SGSM3: variants seen among roughly 807,000 people sequenced by gnomAD.
SGSM3 encodes the protein small G protein signaling modulator 3.
A neutral mutation model predicts 100.5 loss-of-function variants in SGSM3; 96 were observed. The observed-to-expected ratio is 0.96, with a 90% CI of 0.81 to 1.13. The LOEUF is 1.13. Ranked by LOEUF, SGSM3 falls within the 50% of genes most tolerant of loss-of-function variation. The pLI, the probability that SGSM3 is intolerant of heterozygous loss-of-function variation, is 0.00. For missense variants in SGSM3, 1,001 were observed against 1,015.8 expected, an observed-to-expected ratio of 0.99 and a Z score of 0.20; for synonymous variants, 483 against 422.8, an observed-to-expected ratio of 1.14 and a Z score of -1.75.
chr22:40,390,357 T>C (rs898114281), intron 1 of SGSM3: 3 of 152,234 alleles, frequency 2.0e-5, no homozygotes, highest in African/African-American at 7.2e-5. Context: ...AACAAGTATT[T>C]TCACATTCTT....
At chr22:40,403,358 A>C (rs2051005467) in intron 4 of SGSM3, among the ~76,000 whole-genome samples, 1 of 152,156 alleles carries the variant, frequency 6.6e-6, no homozygotes, top group Admixed American at 6.5e-5. Context: ...CATTCAACAG[A>C]TATCTCATGG....
At chr22:40,372,046 C>A (rs2045612111) in intron 1 of SGSM3, among the ~76,000 whole-genome samples, 1 of 151,198 alleles carries the variant, frequency 6.6e-6, no homozygotes, top group South Asian at 2.1e-4. Flanking sequence ...TTTTGATAAT[C>A]CTAAGTGAAT....
At chr22:40,391,244 G>T (rs147041567) in intron 1 of SGSM3, among the ~76,000 whole-genome samples, 122 of 152,278 alleles carry the variant, frequency 8.0e-4, no homozygotes, top group Non-Finnish European at 1.3e-3. Context: ...TCAGAAATTC[G>T]GGGGCTGGGC....
chr22:40,402,547 C>G (rs1253283687), intron 4 of SGSM3, among the ~76,000 whole-genome samples: 2 of 152,134 alleles, frequency 1.3e-5, no homozygotes, highest in Non-Finnish European at 2.9e-5. Flanking sequence ...CAAGACCAAC[C>G]TAGCTAACAT....
chr22:40,409,969 C>CA lies in SGSM3; in HGVS notation c.*213dup. 7.3e-7 allele frequency: 1 copy of CA among 1,365,976 alleles called. No individual in the cohort carries two copies. The highest frequency in any genetic ancestry group is 9.4e-7 in the Non-Finnish European group (1 of 1,066,462). The allele number at this position is 1,365,976 out of a possible 1,614,324, so 84.6% of individuals were successfully genotyped here. A position where few individuals can be genotyped will look rare whatever the true frequency, so the allele number is the denominator to read the frequency against. Reference sequence around the variant, plus strand: ...CAGGGTCCTTAGGGATGCTCTAGGCCAAACCACAGTTTGTACCAAAAACCT... The same window carrying CA: ...CAGGGTCCTTAGGGATGCTCTAGGCCAAAACCACAGTTTGTACCAAAAACCT... On this transcript the variant is annotated 3_prime_UTR_variant, in exon 22 of 22. Transcript: ENST00000248929.
chr22:40,406,907 C>A, intron 10 of SGSM3, 110 bp from the exon 11 acceptor site: 2 of 1,164,644 alleles, frequency 1.7e-6, no homozygotes, highest in Non-Finnish European at 2.5e-6. Context: ...GTTTTCAATT[C>A]TTGGAGCCAG....
rs2050383486 is a variant in SGSM3, at chr22:40,398,928, T to TA, written c.-111-1768_-111-1767insA. On this transcript the variant is annotated intron_variant, in intron 1 of 21. Transcript: ENST00000248929. ...TAAACTTGCCCACGGTTATAACAAG[T>TA]GGGCACAGGCCCACTCTGCTACACG... Among the ~76,000 whole-genome samples, 2 of 139,484 alleles carry TA rather than the reference T, an allele frequency of 1.4e-5. 1 individual carries two copies. Among genetic ancestry groups the TA allele is most frequent in the Non-Finnish European group, 3.1e-5 (2 of 64,694 alleles). The allele number at this position is 139,484 out of a possible 152,430, so 91.5% of individuals were successfully genotyped here. A position where few individuals can be genotyped will look rare whatever the true frequency, so the allele number is the denominator to read the frequency against.
intron 21 of SGSM3, 44 bp from the exon 22 acceptor site, chr22:40,409,638 G>C (rs769158364): frequency 6.2e-7 from 1 of 1,613,432 alleles, no homozygotes; most frequent in Admixed American, 1.7e-5. Flanking sequence ...AACTACCCCA[G>C]CCATGCCCAA....
At chr22:40,373,504 A>G (rs1421625986) in intron 1 of SGSM3, 2 of 152,368 alleles carry the variant, frequency 1.3e-5, no homozygotes, top group East Asian at 3.9e-4. Context: ...CTAGACTTAT[A>G]AAGACGGCTA....
chr22:40,406,327 G>C, intron 9 of SGSM3, 104 bp downstream of exon 9: 1 of 1,536,392 alleles, frequency 6.5e-7, no homozygotes, highest in Non-Finnish European at 8.8e-7. Context: ...CCTGGCCCCT[G>C]ACAACTGTGC....
In SGSM3 at chr22:40,400,706, T is replaced by A. The variant is rs1287526553; in HGVS notation, c.-101T>A. 3.7e-5 allele frequency: 43 copies of A among 1,162,378 alleles called. No homozygotes were observed. The highest frequency in any genetic ancestry group is 2.3e-4 in the Admixed American group (11 of 48,180). 72.0% of individuals were successfully genotyped at this position (1,162,378 alleles called of 1,614,324 possible). A position where few individuals can be genotyped will look rare whatever the true frequency, so the allele number is the denominator to read the frequency against. On this transcript the variant is annotated 5_prime_UTR_variant, in exon 2 of 22. Transcript: ENST00000248929. ...TTTCTCTTCTAACAGGGCAGATGAT[T>A]CTGGACCAGATGAAGCCTGAGGAGC...
intron 3 of SGSM3, 71 bp from the exon 4 acceptor site, chr22:40,402,068 G>C: frequency 8.5e-7 from 1 of 1,176,058 alleles, no homozygotes; most frequent in Non-Finnish European, 1.3e-6. Context: ...AACCCTGTGG[G>C]TGGCATCTTT....
intron 1 of SGSM3, among the ~76,000 whole-genome samples, chr22:40,391,020 T>C (rs1407656286): frequency 1.3e-5 from 2 of 152,082 alleles, no homozygotes; most frequent in Non-Finnish European, 2.9e-5. Context: ...AACAGCAGCA[T>C]GTACAATGAT....
In SGSM3 at chr22:40,407,182, G is replaced by T. The variant is rs2018393; in HGVS notation, c.1241-19G>T. Reference sequence around the variant, plus strand: ...GCCTGGAGTGGGCTGTGGTCACCATGGTTCTCTGGGCCTCCTAGGGGAGGA... The same window carrying T: ...GCCTGGAGTGGGCTGTGGTCACCATTGTTCTCTGGGCCTCCTAGGGGAGGA... On this transcript the variant is annotated intron_variant, in intron 11 of 21. Coordinates refer to ENST00000248929, the MANE Select transcript of SGSM3 (RefSeq NM_015705.6). The surrounding 1 kb of genome is among the most constrained non-coding windows in gnomAD (Gnocchi z 4.7). The T allele has an allele frequency of 0.53, 853,298 of 1,612,818 alleles. 234,595 individuals carry two copies. The highest frequency in any genetic ancestry group is 0.91 in the African/African-American group (68,097 of 74,964).
chr22:40,375,173 G>A (rs918940147), intron 1 of SGSM3, among the ~76,000 whole-genome samples: 1 of 152,138 alleles, frequency 6.6e-6, no homozygotes, highest in Non-Finnish European at 1.5e-5. Context: ...TTCTAAGTGT[G>A]ATACATGTTT....
At position 40,402,147 on chromosome 22, in the gene SGSM3, G is replaced by A. The variant is rs757744843; in HGVS notation, c.99G>A (p.Glu33=). 8.4e-5 allele frequency: 136 copies of A among 1,613,570 alleles called. No homozygotes were observed. The East Asian group carries it at 2.9e-3, about 35-fold the overall frequency. Residue 33 remains glutamate, a synonymous_variant, in exon 4 of 22, where the codon GAG becomes GAA. Coordinates refer to ENST00000248929, the MANE Select transcript of SGSM3 (RefSeq NM_015705.6). ...CCTCATCCTGATTCTAGAAGGAAGA[G>A]TCAGCAGAGCAACCAGAGTTCTACT... ...EILAKYTQKE[E]SAEQPEFYYD...
chr22:40,406,337 C>T (rs530888982), intron 9 of SGSM3, 101 bp from the exon 10 acceptor site: 3 of 1,512,650 alleles, frequency 2.0e-6, no homozygotes, highest in Admixed American at 3.9e-5. Flanking sequence ...GACAACTGTG[C>T]CAAGGCAAAC....
At chr22:40,382,502 C>T (rs1017747121) in intron 1 of SGSM3, among the ~76,000 whole-genome samples, 1 of 152,130 alleles carries the variant, frequency 6.6e-6, no homozygotes, top group Non-Finnish European at 1.5e-5. Context: ...CTCCATGTTA[C>T]CTTACCTACC....
chr22:40,408,087 G>A lies in SGSM3; in HGVS notation c.1596G>A (p.Lys532=). 1 of 1,610,114 alleles carries A rather than the reference G, an allele frequency of 6.2e-7. No homozygotes were observed. The highest frequency in any genetic ancestry group is 2.2e-5 in the East Asian group (1 of 44,730). Residue 532 remains lysine, a synonymous_variant, in exon 15 of 22, where the codon AAG becomes AAA. Coordinates refer to ENST00000248929, the MANE Select transcript of SGSM3 (RefSeq NM_015705.6). ...LNGLRGWFPA[K]FVEVLDERSK... ...TTCCCACAGGCTGGTTTCCAGCCAA[G>A]TTCGTGGAAGTCCTGGATGAGCGCA...
Sources: allele counts gnomAD v4.1 joint callset (sites outside exome capture counted in the v4.1 genomes callset), GRCh38; gene constraint gnomAD v4.1.1; non-coding constraint Gnocchi (gnomAD v3.1); transcripts MANE v1.5; gene names NCBI Gene and HGNC (gene_info 2026-07-23, HGNC 2026-07-21).